ATP9B: variants seen among roughly 807,000 people sequenced by gnomAD.
ATP9B encodes ATPase phospholipid transporting 9B, also known as probable phospholipid-transporting ATPase IIB.
ATP9B carries 110 observed loss-of-function variants against 146.1 expected under a neutral mutation model. The ratio of observed to expected loss-of-function variants is 0.75; its 90% CI spans 0.65 to 0.88. The LOEUF (loss-of-function observed/expected upper bound fraction) is 0.88. Among genes scored for constraint, ATP9B ranks in the 40% least tolerant of loss-of-function variants. The pLI, the probability that ATP9B is intolerant of heterozygous loss-of-function variation, is 0.00. For synonymous variants in ATP9B, 604 were observed against 569.7 expected, an observed-to-expected ratio of 1.06 and a Z score of -0.86; for missense variants, 1,499 against 1,496.4, an observed-to-expected ratio of 1.00 and a Z score of -0.03.
chr18:79,235,595 G>A (rs1298628358), intron 11 of ATP9B, among the ~76,000 whole-genome samples: 1 of 151,978 alleles, frequency 6.6e-6, no homozygotes, highest in East Asian at 1.9e-4. Flanking sequence ...AACTTGTACT[G>A]CTCAGTTAAA....
intron 11 of ATP9B, among the ~76,000 whole-genome samples, chr18:79,215,258 C>T (rs1418293982): frequency 1.3e-5 from 2 of 152,064 alleles, no homozygotes; most frequent in South Asian, 4.1e-4. Context: ...ATCACCAACC[C>T]TATAAAGTCC....
At position 79,295,450 on chromosome 18, in the gene ATP9B, A is replaced by G. The variant is rs541807376; in HGVS notation, c.1412-8154A>G. ...AATTTTTCTCATTGCTTTTTGGCCA[A>G]CTGTATAAGTGAAAGGGGGTATTAT... On this transcript the variant is annotated intron_variant, in intron 13 of 29. Coordinates refer to ENST00000426216, the MANE Select transcript of ATP9B (RefSeq NM_198531.5). 9.2e-4 allele frequency among the ~76,000 whole-genome samples: 140 copies of G among 152,344 alleles called. No homozygotes were observed. The Middle Eastern group carries it at 0.01, about 11-fold the overall frequency.
chr18:79,201,501 C>G (rs1269583594), intron 9 of ATP9B, among the ~76,000 whole-genome samples: 1 of 152,114 alleles, frequency 6.6e-6, no homozygotes, highest in East Asian at 1.9e-4. Flanking sequence ...AACCCTAGCA[C>G]TTTGGGAGGC....
At chr18:79,315,876 A>G (rs1026627961) in intron 15 of ATP9B, among the ~76,000 whole-genome samples, 2 of 152,204 alleles carry the variant, frequency 1.3e-5, no homozygotes, top group South Asian at 4.1e-4. Context: ...ACTTACATAT[A>G]TTTTTTTGCA....
chr18:79,211,400 A>G (rs1317605475), intron 10 of ATP9B, among the ~76,000 whole-genome samples: 3 of 152,230 alleles, frequency 2.0e-5, no homozygotes, highest in African/African-American at 7.2e-5. Context: ...GTGATTGAAC[A>G]GAAGTTGGAC....
At chr18:79,253,757 G>C (rs1568501966) in intron 12 of ATP9B, 1 of 434,744 alleles carries the variant, frequency 2.3e-6, no homozygotes. Context: ...ATACTTTCCT[G>C]ATAGTGAATG....
intron 4 of ATP9B, among the ~76,000 whole-genome samples, chr18:79,124,992 A>G (rs1481243699): frequency 1.3e-5 from 2 of 152,188 alleles, no homozygotes; most frequent in Non-Finnish European, 2.9e-5. Context: ...CCAGGAAGCC[A>G]AGGGATGGGG....
At chr18:79,235,616 C>T (rs924992892) in intron 11 of ATP9B, among the ~76,000 whole-genome samples, 4 of 152,104 alleles carry the variant, frequency 2.6e-5, no homozygotes, top group African/African-American at 7.2e-5. Context: ...CATCATAAAA[C>T]GAGCACCCAC....
rs1003563303 is a variant in ATP9B, at chr18:79,300,200, G to A, written c.1412-3404G>A. Among the ~76,000 whole-genome samples, 5 of 152,214 alleles carry A rather than the reference G, an allele frequency of 3.3e-5. No homozygotes were observed. In the East Asian group the frequency reaches 9.6e-4, roughly 29 times the overall value. ...AGGGGGGCACTCCATGTCTGAAGTG[G>A]GGTTGAGAGGTTTGAGAGCGTTTGG... On this transcript the variant is annotated intron_variant, in intron 13 of 29. Transcript: ENST00000426216.
At chr18:79,200,785 T>TGGGAACGTTGGGGTCAGAGCAGAGGTGGA (rs1345023937) in intron 9 of ATP9B, among the ~76,000 whole-genome samples, 1 of 13,524 alleles carries the variant, frequency 7.4e-5, no homozygotes, top group African/African-American at 2.6e-4. Flanking sequence ...GCAGAAGTAG[T>TGGGAACGTTGGGGTCAGAGCAGAGGTGGA]GGTGGAATTG....
chr18:79,102,294 T>G (rs1442153772), intron 2 of ATP9B, among the ~76,000 whole-genome samples: 2 of 152,210 alleles, frequency 1.3e-5, no homozygotes, highest in Admixed American at 1.3e-4. Flanking sequence ...ATCTAAGAAT[T>G]TCACAGAACT....
At chr18:79,140,135 A>G (rs1402773580) in intron 5 of ATP9B, among the ~76,000 whole-genome samples, 1 of 152,098 alleles carries the variant, frequency 6.6e-6, no homozygotes, top group Non-Finnish European at 1.5e-5. Context: ...AGGGATTTCA[A>G]TCCAAGGGAG....
intron 3 of ATP9B, among the ~76,000 whole-genome samples, chr18:79,111,262 G>A (rs1222089653): frequency 6.6e-6 from 1 of 152,104 alleles, no homozygotes; most frequent in Non-Finnish European, 1.5e-5. Flanking sequence ...CTATATCAAA[G>A]TTTTTGGCAT....
intron 11 of ATP9B, among the ~76,000 whole-genome samples, chr18:79,238,623 G>A (rs2095863336): frequency 6.6e-6 from 1 of 152,166 alleles, no homozygotes; most frequent in African/African-American, 2.4e-5. Flanking sequence ...CGCCATGGTG[G>A]GCCCTGCTGT....
In ATP9B at chr18:79,343,941, C is replaced by T. The variant is rs143401885; in HGVS notation, c.2383-324C>T. On this transcript the variant is annotated intron_variant, in intron 20 of 29. Coordinates refer to ENST00000426216, the MANE Select transcript of ATP9B (RefSeq NM_198531.5). Reference sequence around the variant, plus strand: ...AAAGGCAATTACCCTCCCAAACTATCCAGAAGGTAATTATTAACTCATAGG... The same window carrying T: ...AAAGGCAATTACCCTCCCAAACTATTCAGAAGGTAATTATTAACTCATAGG... The T allele has an allele frequency of 3.1e-3, 1,256 of 402,974 alleles. 6 individuals carry two copies. The highest frequency in any genetic ancestry group is 5.5e-3 in the South Asian group (220 of 39,968). The allele number at this position is 402,974 out of a possible 1,614,324, so 25.0% of individuals were successfully genotyped here.
At chr18:79,325,324 A>G (rs1053754136) in intron 15 of ATP9B, among the ~76,000 whole-genome samples, 1 of 152,130 alleles carries the variant, frequency 6.6e-6, no homozygotes, top group Non-Finnish European at 1.5e-5. Context: ...TTTGTAACTG[A>G]AATGACTGCA....
At chr18:79,263,128 T>C (rs2096162142) in intron 12 of ATP9B, among the ~76,000 whole-genome samples, 2 of 152,368 alleles carry the variant, frequency 1.3e-5, no homozygotes, top group Non-Finnish European at 1.5e-5. Context: ...TACAATGTAA[T>C]GTTTTGGTAT....
At chr18:79,344,870 T>C (rs1016006192) in intron 21 of ATP9B, among the ~76,000 whole-genome samples, 3 of 152,222 alleles carry the variant, frequency 2.0e-5, no homozygotes, top group Admixed American at 6.5e-5. Context: ...GGAGCAGGAA[T>C]GTCCAAAGTA....
chr18:79,098,699 T>C (rs2075018697), intron 2 of ATP9B, among the ~76,000 whole-genome samples: 1 of 152,206 alleles, frequency 6.6e-6, no homozygotes, highest in African/African-American at 2.4e-5. Context: ...GATACAATGC[T>C]TTGTATCTAC....
Sources: allele counts gnomAD v4.1 joint callset (sites outside exome capture counted in the v4.1 genomes callset), GRCh38; gene constraint gnomAD v4.1.1; transcripts MANE v1.5; gene names NCBI Gene and HGNC (gene_info 2026-07-23, HGNC 2026-07-21).